FAM184A: variants seen among roughly 807,000 people sequenced by gnomAD.
FAM184A encodes family with sequence similarity 184 member A, also known as protein FAM184A.
FAM184A carries 99 observed loss-of-function variants against 143.8 expected under a neutral mutation model. The ratio of observed to expected loss-of-function variants is 0.69; its 90% confidence interval spans 0.58 to 0.81. The LOEUF (loss-of-function observed/expected upper bound fraction) is 0.81. FAM184A is among the 40% of genes least tolerant of loss of function. The pLI is 0.00. For synonymous variants in FAM184A, 427 were observed against 446.4 expected (o/e 0.96, Z 0.55); for missense variants, 1,217 against 1,310.5 (o/e 0.93, Z 1.10).
intron 1 of FAM184A, among the ~76,000 whole-genome samples, chr6:119,059,566 T>TA (rs944715085): frequency 1.3e-5 from 2 of 152,252 alleles, no homozygotes; most frequent in Non-Finnish European, 2.9e-5. Flanking sequence ...TTATTTGTTT[T>TA]AAAAGCTTCT....
chr6:119,145,511 T>C (rs1252163385), intron 1 of FAM184A, among the ~76,000 whole-genome samples: 1 of 152,082 alleles, frequency 6.6e-6, no homozygotes, highest in Non-Finnish European at 1.5e-5. Flanking sequence ...CAGCAAATAA[T>C]ATCAAAAATA....
intron 10 of FAM184A, 21 bp downstream of exon 10, chr6:118,980,117 C>T (rs765382094): frequency 1.2e-5 from 19 of 1,599,422 alleles, no homozygotes; most frequent in African/African-American, 4.0e-5. Flanking sequence ...TACATTTGAA[C>T]GTATGTCACA....
At chr6:119,134,601 C>T (rs927907381) in intron 1 of FAM184A, among the ~76,000 whole-genome samples, 1 of 148,432 alleles carries the variant, frequency 6.7e-6, no homozygotes, top group African/African-American at 2.5e-5. Context: ...CTGTAGTGAG[C>T]CATGATCATG....
chr6:119,131,563 G>A (rs617200), intron 1 of FAM184A, among the ~76,000 whole-genome samples: 5,464 of 152,112 alleles, frequency 0.036, 323 homozygotes, highest in African/African-American at 0.12. Flanking sequence ...ACGGCTCCCC[G>A]CAGCTTCAAC....
intron 1 of FAM184A, among the ~76,000 whole-genome samples, chr6:119,136,653 C>G (rs980946473): frequency 6.6e-6 from 1 of 152,150 alleles, no homozygotes; most frequent in African/African-American, 2.4e-5. Context: ...CTCCAGGAAT[C>G]TAGATAATGG....
intron 1 of FAM184A, among the ~76,000 whole-genome samples, chr6:119,126,441 G>A (rs1359048056): frequency 1.3e-5 from 2 of 152,220 alleles, no homozygotes; most frequent in African/African-American, 2.4e-5. Context: ...CTAGCTAGCT[G>A]CTTTGGCTGG....
intron 1 of FAM184A, chr6:119,031,538 G>A (rs1785872394): frequency 6.6e-6 from 1 of 152,290 alleles, no homozygotes; most frequent in Non-Finnish European, 1.5e-5. Context: ...TATTGTTTGA[G>A]CCACTCAGTC....
At chr6:119,006,776 G>A (rs985032458) in intron 6 of FAM184A, among the ~76,000 whole-genome samples, 168 bp from the exon 7 acceptor site, 2 of 152,130 alleles carry the variant, frequency 1.3e-5, no homozygotes, top group Non-Finnish European at 2.9e-5. Flanking sequence ...TTCTTCTGCT[G>A]TGTTTTGAAA....
At chr6:118,998,115 A>G (rs1784629653) in intron 9 of FAM184A, among the ~76,000 whole-genome samples, 1 of 151,974 alleles carries the variant, frequency 6.6e-6, no homozygotes, top group Non-Finnish European at 1.5e-5. Flanking sequence ...CCCACACCCC[A>G]CCCCAAATAA....
At chr6:119,146,695 G>A (rs549385821) in intron 1 of FAM184A, among the ~76,000 whole-genome samples, 2 of 152,172 alleles carry the variant, frequency 1.3e-5, no homozygotes, top group African/African-American at 2.4e-5. Flanking sequence ...ATATGAATTT[G>A]ACAAATAAGG....
rs780011609 is a variant in FAM184A, at chr6:118,980,334, T to C, written c.2105A>G (p.Gln702Arg). Residue 702 changes from glutamine (Q) to arginine (R), a missense_variant, in exon 10 of 18, where the codon CAG (glutamine) becomes CGG (arginine). By Grantham distance (43) the Gln-to-Arg change is conservative. Transcript: ENST00000338891. The stretch of plus-strand genomic sequence containing the variant: ...CTGGGAAAGCTGTATCTCCAGATTC[T>C]GTTTCAGCAAGGAAATCTATGCCCC... ...DLLNQISLLK[Q>R]NLEIQLSQSQ... The C allele has an allele frequency of 1.2e-6, 2 of 1,613,838 alleles. No individual in the cohort carries two copies. Among genetic ancestry groups the C allele is most frequent in the Non-Finnish European group, 1.7e-6 (2 of 1,179,822 alleles).
intron 11 of FAM184A, among the ~76,000 whole-genome samples, chr6:118,978,669 T>C (rs1783920755): frequency 6.6e-6 from 1 of 152,124 alleles, no homozygotes; most frequent in Admixed American, 6.5e-5. Flanking sequence ...GCCCAAAATA[T>C]TGATAACACT....
At chr6:119,050,685 G>A (rs1786723147) in intron 1 of FAM184A, among the ~76,000 whole-genome samples, 1 of 152,048 alleles carries the variant, frequency 6.6e-6, no homozygotes, top group Non-Finnish European at 1.5e-5. Context: ...GGGCGCTGTA[G>A]TCCCAGCTAC....
chr6:118,970,008 A>ATATTTTTTTTTT, intron 14 of FAM184A, among the ~76,000 whole-genome samples: 1 of 19,052 alleles, frequency 5.2e-5, no homozygotes, highest in South Asian at 1.7e-3. Flanking sequence ...ATATATATAT[A>ATATTTTTTTTTT]TTTTTTTTTT....
At chr6:119,030,586 G>A (rs1785830745) in intron 1 of FAM184A, among the ~76,000 whole-genome samples, 2 of 151,966 alleles carry the variant, frequency 1.3e-5, no homozygotes, top group Admixed American at 1.3e-4. Flanking sequence ...AAGATCAACT[G>A]ATCACTGAAA....
intron 1 of FAM184A, among the ~76,000 whole-genome samples, chr6:119,068,828 T>G (rs1787570134): frequency 7.0e-6 from 1 of 143,876 alleles, no homozygotes; most frequent in African/African-American, 2.6e-5. Flanking sequence ...CATCAAAACC[T>G]TATTAGAGAA....
chr6:119,135,764 C>T (rs915482363), intron 1 of FAM184A, among the ~76,000 whole-genome samples: 7 of 152,162 alleles, frequency 4.6e-5, no homozygotes, highest in African/African-American at 1.7e-4. Context: ...CAGATCCATA[C>T]TTCACGCAAA....
chr6:119,134,175 T>A (rs1789604103), intron 1 of FAM184A, among the ~76,000 whole-genome samples: 1 of 151,976 alleles, frequency 6.6e-6, no homozygotes, highest in Non-Finnish European at 1.5e-5. Flanking sequence ...AATATAAAAC[T>A]TTGAAGAATC....
At chr6:119,124,644 C>T (rs930407096) in intron 1 of FAM184A, among the ~76,000 whole-genome samples, 5 of 152,194 alleles carry the variant, frequency 3.3e-5, no homozygotes, top group Admixed American at 3.3e-4. Context: ...AAGGAAGTTA[C>T]AACCTGGTAG....
Sources: gnomAD v4.1 joint callset for allele counts (sites outside exome capture counted in the v4.1 genomes callset) on GRCh38, gnomAD v4.1.1 for gene constraint, MANE v1.5 for transcripts, NCBI Gene and HGNC (gene_info 2026-07-23, HGNC 2026-07-21) for gene names.